The following ARFGEF2 variants were observed in gnomAD, a reference collection of about 807,000 sequenced individuals.
The protein encoded by ARFGEF2 is brefeldin A-inhibited guanine nucleotide-exchange protein 2.
A neutral mutation model predicts 219.9 loss-of-function variants in ARFGEF2; 74 were observed. The observed-to-expected ratio is 0.34, with a 90% CI of 0.28 to 0.41. ARFGEF2 has a LOEUF of 0.41. ARFGEF2 is among the 10% of genes least tolerant of loss of function. ARFGEF2 has a pLI of 1.00. For missense variants in ARFGEF2, 1,743 were observed against 2,218.3 expected (o/e 0.79, Z 4.30); for synonymous variants, 733 against 799.2 (o/e 0.92, Z 1.40).
intron 6 of ARFGEF2, among the ~76,000 whole-genome samples, chr20:48,957,048 C>G (rs2091110368): frequency 6.6e-6 from 1 of 152,160 alleles, no homozygotes; most frequent in Non-Finnish European, 1.5e-5. Flanking sequence ...CAGACTCCTC[C>G]CATTTTTTCC....
chr20:49,016,324 T>C lies in ARFGEF2; in HGVS notation c.4224T>C (p.Ala1408=), dbSNP rs1225382540. The C allele has an allele frequency of 6.2e-7, 1 of 1,613,950 alleles. No homozygotes were observed. The highest frequency in any genetic ancestry group is 8.5e-7 in the Non-Finnish European group (1 of 1,179,992). The change falls in exon 31 of 39, where the codon GCT becomes GCC. Residue 1408 remains alanine (A), a synonymous_variant. Transcript: ENST00000371917. ...CAACCTGCAATCACGCACTTTATGC[T>C]ATTTGTGATGTTTTTACCCAGTTTT... ...MTTTCNHALY[A]ICDVFTQFYE...
At chr20:49,023,028 T>C (rs770782777) in intron 34 of ARFGEF2, 23 bp from the exon 35 acceptor site, 10 of 1,613,886 alleles carry the variant, frequency 6.2e-6, no homozygotes, top group Non-Finnish European at 8.5e-6. Context: ...ATTATTAGGG[T>C]TAATCTTTAT....
At chr20:49,024,558 A>G (rs564548352) in intron 35 of ARFGEF2, among the ~76,000 whole-genome samples, 4 of 152,262 alleles carry the variant, frequency 2.6e-5, no homozygotes, top group African/African-American at 9.6e-5. Flanking sequence ...TTCATAGAGG[A>G]AGTCATGTTT....
intron 14 of ARFGEF2, among the ~76,000 whole-genome samples, chr20:48,979,014 A>G (rs1216018438): frequency 1.3e-5 from 2 of 152,144 alleles, no homozygotes; most frequent in Non-Finnish European, 2.9e-5. Flanking sequence ...CACTGTGTTG[A>G]ATGGGAGTGG....
Position 49,010,440 on chromosome 20 carries a change from C to T in ARFGEF2, c.3757+36C>T, listed in dbSNP as rs2091491246. ...CTGTTCCCTCCCTACTAATGTCCCA[C>T]CTGCAAGTCTAGAAGAGTGTCACTT... On this transcript the variant is annotated intron_variant, in intron 27 of 38. Coordinates refer to ENST00000371917, the MANE Select transcript of ARFGEF2 (RefSeq NM_006420.3). 5 of 1,609,456 alleles carry T rather than the reference C, an allele frequency of 3.1e-6. No homozygotes were observed. The South Asian group carries it at 5.5e-5, about 18-fold the overall frequency.
Position 48,971,163 on chromosome 20 carries a change from C to T in ARFGEF2, c.1234C>T (p.Leu412Phe), listed in dbSNP as rs768040314. 26 of 1,614,142 alleles carry T rather than the reference C, an allele frequency of 1.6e-5. No homozygotes were observed. The highest frequency in any genetic ancestry group is 1.9e-5 in the Non-Finnish European group (22 of 1,180,030). The change falls in exon 10 of 39, where the codon CTC (leucine) becomes TTC (phenylalanine). Residue 412 changes from leucine (L) to phenylalanine (F), a missense_variant. Leu to Phe is a conservative substitution (Grantham distance 22). Around this residue, in one of 5 missense-constraint regions of ARFGEF2, gnomAD observed 666 missense variants for 955.4 expected, o/e 0.70. Coordinates refer to ENST00000371917, the MANE Select transcript of ARFGEF2 (RefSeq NM_006420.3). ...RSKVVSLQLLLSVLQNAGPVF... is the reference protein window; with the variant it reads ...RSKVVSLQLLFSVLQNAGPVF... Reference sequence around the variant, plus strand: ...CAAGGTGGTTTCCCTGCAGCTGCTCCTCTCTGTGTTGCAAAATGCTGGCCC... The same window carrying T: ...CAAGGTGGTTTCCCTGCAGCTGCTCTTCTCTGTGTTGCAAAATGCTGGCCC...
chr20:48,961,064 G>A (rs780763538), intron 6 of ARFGEF2, among the ~76,000 whole-genome samples: 33 of 122,544 alleles, frequency 2.7e-4, no homozygotes, highest in Non-Finnish European at 4.6e-4. Flanking sequence ...TGGCAACAGA[G>A]CGAGACTCTG....
intron 14 of ARFGEF2, among the ~76,000 whole-genome samples, chr20:48,976,843 C>T (rs1423164672): frequency 6.6e-6 from 1 of 152,108 alleles, no homozygotes; most frequent in East Asian, 1.9e-4. Flanking sequence ...AGGGAATCAC[C>T]ATTGGTGCAT....
At position 49,016,352 on chromosome 20, in the gene ARFGEF2, G is replaced by T; in HGVS notation, c.4252G>T (p.Glu1418Ter). ...TTGTGATGTTTTTACCCAGTTTTAT[G>T]AAGCTTTGAATGAAGTTCTTCTTTC... is the stretch of plus-strand genomic sequence containing the variant. ...AICDVFTQFY[E>*]ALNEVLLSDV... The change falls in exon 31 of 39, where the codon GAA (glutamate) becomes TAA (stop). Residue 1418 changes from glutamate (E) to a stop codon, truncating the protein, a stop_gained. Transcript: ENST00000371917. LOFTEE classifies it high-confidence loss of function. 1 of 1,613,978 alleles carries T rather than the reference G, an allele frequency of 6.2e-7. No individual in the cohort carries two copies. Among genetic ancestry groups the T allele is most frequent in the Middle Eastern group, 1.7e-4 (1 of 6,060 alleles).
At chr20:48,933,165 C>G (rs1484679744) in intron 1 of ARFGEF2, among the ~76,000 whole-genome samples, 1 of 152,222 alleles carries the variant, frequency 6.6e-6, no homozygotes, top group African/African-American at 2.4e-5. Context: ...TCCAGTCTCC[C>G]TCATTTCCAG....
At chr20:49,029,846 G>A (rs1207531770) in intron 37 of ARFGEF2, among the ~76,000 whole-genome samples, 3 of 150,086 alleles carry the variant, frequency 2.0e-5, no homozygotes, top group Non-Finnish European at 4.4e-5. Context: ...GCCGACCTCC[G>A]CCTCCCAAAG....
intron 37 of ARFGEF2, among the ~76,000 whole-genome samples, chr20:49,030,643 A>C (rs2091628793): frequency 1.3e-5 from 2 of 152,290 alleles, no homozygotes; most frequent in African/African-American, 2.4e-5. Context: ...GGAGGCACCA[A>C]TGGCTCATTT....
At chr20:48,987,844 G>A (rs538803800) in intron 16 of ARFGEF2, among the ~76,000 whole-genome samples, 7 of 152,196 alleles carry the variant, frequency 4.6e-5, no homozygotes, top group Admixed American at 6.5e-5. Context: ...CTGGAGTGCA[G>A]TGTCACAATC....
chr20:48,978,547 A>G (rs993495319), intron 14 of ARFGEF2, among the ~76,000 whole-genome samples: 2 of 152,208 alleles, frequency 1.3e-5, no homozygotes, highest in African/African-American at 4.8e-5. Flanking sequence ...TTGAATCTAT[A>G]AATTACCTTG....
intron 36 of ARFGEF2, 62 bp from the exon 37 acceptor site, chr20:49,028,468 A>T: frequency 6.6e-7 from 1 of 1,504,206 alleles, no homozygotes; most frequent in South Asian, 1.1e-5. Context: ...ATTTCTAGTC[A>T]TACACAGTTA....
rs1411786920 is a variant in ARFGEF2 at position 49,035,402 on chromosome 20, T to G, written c.*2203T>G. ...TAATTTTCTGAATGAGGCATTTGAA[T>G]TGTACCAGCAATGGACTTTTAAAAA... On this transcript the variant is annotated 3_prime_UTR_variant, in exon 39 of 39. Coordinates refer to ENST00000371917, the MANE Select transcript of ARFGEF2 (RefSeq NM_006420.3). The G allele has an allele frequency of 6.6e-6, 1 of 152,224 alleles. No individual in the cohort carries two copies. The highest frequency in any genetic ancestry group is 2.4e-5 in the African/African-American group (1 of 41,460). The allele number at this position is 152,224 out of a possible 1,614,324, so 9.4% of individuals were successfully genotyped here.
intron 22 of ARFGEF2, 111 bp from the exon 23 acceptor site, chr20:48,995,670 CAG>C: frequency 2.1e-6 from 2 of 946,180 alleles, no homozygotes; most frequent in Non-Finnish European, 3.5e-6. Flanking sequence ...TTTGAACTTG[CAG>C]AGTCATTCCC....
At chr20:49,007,032 A>T (rs1756899768) in intron 26 of ARFGEF2, among the ~76,000 whole-genome samples, 1 of 152,068 alleles carries the variant, frequency 6.6e-6, no homozygotes, top group Non-Finnish European at 1.5e-5. Context: ...ATTTTAAAGG[A>T]TCACCCTGCA....
At chr20:49,009,271 C>T (rs1400691978) in intron 26 of ARFGEF2, among the ~76,000 whole-genome samples, 1 of 152,096 alleles carries the variant, frequency 6.6e-6, no homozygotes, top group Non-Finnish European at 1.5e-5. Context: ...TTGACTTTCT[C>T]CTTGCCTTCT....
Sources: allele counts gnomAD v4.1 joint callset (sites outside exome capture counted in the v4.1 genomes callset), GRCh38; gene constraint gnomAD v4.1.1; regional missense constraint gnomAD v4.1.1; transcripts MANE v1.5; gene names NCBI Gene and HGNC (gene_info 2026-07-23, HGNC 2026-07-21).